POLN: variants seen among roughly 807,000 people sequenced by gnomAD.
POLN encodes DNA polymerase nu.
A neutral mutation model predicts 113.5 loss-of-function variants in POLN; 108 were observed. The ratio of observed to expected loss-of-function variants is 0.95; its 90% CI spans 0.81 to 1.12. The LOEUF (loss-of-function observed/expected upper bound fraction) is 1.12. POLN is among the 50% of genes most tolerant of loss of function. The pLI, the probability that POLN is intolerant of heterozygous loss-of-function variation, is 0.00. For missense variants in POLN, 1,097 were observed against 1,077.1 expected (o/e 1.02, Z -0.26); for synonymous variants, 386 against 391.5 (o/e 0.99, Z 0.17).
intron 3 of POLN, among the ~76,000 whole-genome samples, chr4:2,216,802 C>A (rs556335528): frequency 4.9e-4 from 74 of 152,346 alleles, no homozygotes; most frequent in African/African-American, 1.8e-3. Flanking sequence ...GAAGGTACAA[C>A]TGGGGACTCA....
At chr4:2,237,307 G>T (rs144345530) in intron 2 of POLN, among the ~76,000 whole-genome samples, 1 of 151,178 alleles carries the variant, frequency 6.6e-6, no homozygotes, top group Non-Finnish European at 1.5e-5. Flanking sequence ...ATGGTGGCAC[G>T]TGCCTGTAGT....
chr4:2,235,394 G>A (rs1448090488), intron 2 of POLN, among the ~76,000 whole-genome samples: 1 of 152,224 alleles, frequency 6.6e-6, no homozygotes, highest in East Asian at 1.9e-4. Context: ...TGGCAAAGAT[G>A]TGGAGAAACT....
chr4:2,111,922 T>C (rs1222505482), intron 19 of POLN, among the ~76,000 whole-genome samples: 1 of 152,166 alleles, frequency 6.6e-6, no homozygotes. Flanking sequence ...GAGCCCGCAT[T>C]GCCAAGTCAA....
chr4:2,190,851 C>T (rs1049142309), intron 7 of POLN, among the ~76,000 whole-genome samples: 2 of 152,104 alleles, frequency 1.3e-5, no homozygotes, highest in African/African-American at 2.4e-5. Flanking sequence ...AAACGACTTT[C>T]ATCAAAAAGA....
intron 23 of POLN, among the ~76,000 whole-genome samples, chr4:2,077,354 C>A (rs1730300395): frequency 6.6e-6 from 1 of 152,208 alleles, no homozygotes; most frequent in Admixed American, 6.5e-5. Flanking sequence ...TCCTGACGGC[C>A]AAGTGCACAC....
chr4:2,077,692 C>T (rs914353922), intron 23 of POLN, among the ~76,000 whole-genome samples: 9 of 152,254 alleles, frequency 5.9e-5, no homozygotes, highest in African/African-American at 2.2e-4. Flanking sequence ...GCAGTTTTCA[C>T]ACTTCTTGAA....
chr4:2,145,809 C>T (rs1208554373), intron 16 of POLN, among the ~76,000 whole-genome samples: 1 of 152,088 alleles, frequency 6.6e-6, no homozygotes, highest in Non-Finnish European at 1.5e-5. Flanking sequence ...GAAACCCTCG[C>T]ACATGTTCAT....
At chr4:2,216,271 C>A (rs1734111162) in intron 3 of POLN, among the ~76,000 whole-genome samples, 1 of 152,228 alleles carries the variant, frequency 6.6e-6, no homozygotes, top group South Asian at 2.1e-4. Context: ...CTTTGAGAGT[C>A]AAGACCTTTA....
intron 12 of POLN, 59 bp downstream of exon 12, chr4:2,171,039 C>G: frequency 7.2e-7 from 1 of 1,383,724 alleles, no homozygotes; most frequent in South Asian, 1.3e-5. Flanking sequence ...CAAAATAAAT[C>G]TCCCTTTAAC....
chr4:2,225,506 A>T (rs986305685), intron 3 of POLN, among the ~76,000 whole-genome samples: 1 of 151,824 alleles, frequency 6.6e-6, no homozygotes, highest in Non-Finnish European at 1.5e-5. Flanking sequence ...GTGAGCCGAG[A>T]TCGCACCACT....
chr4:2,170,222 C>T (rs901378362), intron 13 of POLN, among the ~76,000 whole-genome samples: 2 of 152,140 alleles, frequency 1.3e-5, no homozygotes, highest in African/African-American at 4.8e-5. Flanking sequence ...TTCTGAATAT[C>T]GATCTATACT....
At chr4:2,162,892 T>C (rs1732633602) in intron 13 of POLN, among the ~76,000 whole-genome samples, 1 of 152,152 alleles carries the variant, frequency 6.6e-6, no homozygotes. Context: ...TAGTAATTCC[T>C]ATTGCCTTAT....
intron 16 of POLN, among the ~76,000 whole-genome samples, chr4:2,146,516 C>T (rs2108734266): frequency 6.6e-6 from 1 of 152,176 alleles, no homozygotes; most frequent in Non-Finnish European, 1.5e-5. Flanking sequence ...ACAACAACAA[C>T]AAAAGCACTC....
At chr4:2,212,911 G>A (rs1560095791) in intron 4 of POLN, 136 bp downstream of exon 4, 1 of 493,682 alleles carries the variant, frequency 2.0e-6, no homozygotes, top group African/African-American at 2.0e-5. Flanking sequence ...ATAAGTTCTT[G>A]GAGAGCAAGA....
At chr4:2,135,849 C>G (rs1284406660) in intron 16 of POLN, among the ~76,000 whole-genome samples, 1 of 152,222 alleles carries the variant, frequency 6.6e-6, no homozygotes, top group Non-Finnish European at 1.5e-5. Flanking sequence ...TGCTAGCACG[C>G]AGGGGAACCG....
At chr4:2,234,137 T>C (rs1187445427) in intron 2 of POLN, 1 of 152,224 alleles carries the variant, frequency 6.6e-6, no homozygotes, top group African/African-American at 2.4e-5. Context: ...ATCAAGACAG[T>C]ATAGTTAACA....
At chr4:2,188,317 C>CG (rs1351020708) in intron 7 of POLN, among the ~76,000 whole-genome samples, 1 of 152,052 alleles carries the variant, frequency 6.6e-6, no homozygotes, top group Non-Finnish European at 1.5e-5. Context: ...GAAAAAAACA[C>CG]GGGCCGGGCG....
intron 16 of POLN, among the ~76,000 whole-genome samples, chr4:2,139,096 C>T (rs921906390): frequency 1.3e-5 from 2 of 152,020 alleles, no homozygotes; most frequent in African/African-American, 4.8e-5. Context: ...AACAAATGGG[C>T]AGAGGGAGAG....
chr4:2,073,032 A>G lies in POLN; in HGVS notation c.2456-3T>C, dbSNP rs1730189422. The stretch of plus-strand genomic sequence containing the variant: ...CTCCATGGTCCTCCTGACGAGAGCT[A>G]GAGTGCGGAAGAGAGAGGAGGCCCT... On this transcript the variant is annotated splice_region_variant and splice_polypyrimidine_tract_variant and intron_variant, in intron 24 of 25. Coordinates refer to ENST00000511885, the MANE Select transcript of POLN (RefSeq NM_181808.4). The G allele has an allele frequency of 3.7e-6, 6 of 1,613,136 alleles. No homozygotes were observed. The highest frequency in any genetic ancestry group is 5.1e-6 in the Non-Finnish European group (6 of 1,179,756).
Sources: gnomAD v4.1 joint callset for allele counts (sites outside exome capture counted in the v4.1 genomes callset) on GRCh38, gnomAD v4.1.1 for gene constraint, MANE v1.5 for transcripts, NCBI Gene and HGNC (gene_info 2026-07-23, HGNC 2026-07-21) for gene names.